HTRA3: variants seen among roughly 807,000 people sequenced by gnomAD.
The protein encoded by HTRA3 is serine protease HTRA3.
Under a neutral mutation model 43.2 loss-of-function variants are expected in HTRA3, and 41 were observed. The ratio of observed to expected loss-of-function variants is 0.95; its 90% CI spans 0.74 to 1.23. The LOEUF (loss-of-function observed/expected upper bound fraction) is 1.23, where lower values mean the gene tolerates loss of function less well. HTRA3 is among the 50% of genes most tolerant of loss of function. The pLI is 0.00. For synonymous variants in HTRA3, 295 were observed against 287.9 expected, an observed-to-expected ratio of 1.02 and a Z score of -0.25; for missense variants, 628 against 647.1, an observed-to-expected ratio of 0.97 and a Z score of 0.32.
rs1713686499 is a variant in HTRA3, at chr4:8,302,461, A to T, written c.1052-2A>T. ...CGGAGTCTCGCCGTGTTTCATTTCC[A>T]GACTGGAAGAAGCGCTTCATCGGCA... On this transcript the variant is annotated splice_acceptor_variant, in intron 6 of 8. Transcript: ENST00000307358. LOFTEE classifies it high-confidence loss of function. 6.2e-7 allele frequency: 1 copy of T among 1,613,984 alleles called. No individual in the cohort carries two copies. The highest frequency in any genetic ancestry group is 1.3e-5 in the African/African-American group (1 of 74,980).
chr4:8,292,301 G>A lies in HTRA3; in HGVS notation c.904-20G>A. ...TCAGGCGGGGTCAGGCACAGCTAAT[G>A]CTGTTTCCTCCCCTTGCAGTACGGG... On this transcript the variant is annotated intron_variant, in intron 4 of 8. Coordinates refer to ENST00000307358, the MANE Select transcript of HTRA3 (RefSeq NM_053044.5). The A allele has an allele frequency of 6.2e-7, 1 of 1,612,082 alleles. No individual in the cohort carries two copies. The highest frequency in any genetic ancestry group is 1.1e-5 in the South Asian group (1 of 90,762).
chr4:8,282,863 C>T (rs1322899869), intron 2 of HTRA3, among the ~76,000 whole-genome samples: 2 of 152,240 alleles, frequency 1.3e-5, no homozygotes, highest in African/African-American at 4.8e-5. Context: ...AAAGCAGACA[C>T]AGACAGAACC....
At chr4:8,273,354 T>C (rs1712376480) in intron 1 of HTRA3, among the ~76,000 whole-genome samples, 1 of 152,084 alleles carries the variant, frequency 6.6e-6, no homozygotes, top group Non-Finnish European at 1.5e-5. Flanking sequence ...TCACACTTAG[T>C]GGTGTGCCAG....
In HTRA3 at chr4:8,295,745, CTCCTCCATGACCCCGT is replaced by C. The variant is rs1713430764; in HGVS notation, c.1051+1545_1051+1560del. On this transcript the variant is annotated intron_variant, in intron 6 of 8. Transcript: ENST00000307358. This position sits in a 1 kb window ranked among gnomAD's most constrained non-coding sequence, Gnocchi z 6.9. ...GCAGGGGGCTTCCTCACGTTTCCCC[CTCCTCCATGACCCCGT>C]CAGCCAAGCACATGGACCCCAGTGC... is the stretch of plus-strand genomic sequence containing the variant. 1 of 1,329,702 alleles carries C rather than the reference CTCCTCCATGACCCCGT, an allele frequency of 7.5e-7. No individual in the cohort carries two copies. The highest frequency in any genetic ancestry group is 9.6e-7 in the Non-Finnish European group (1 of 1,037,460). 82.4% of individuals were successfully genotyped at this position (1,329,702 alleles called of 1,614,324 possible). A position where few individuals can be genotyped will look rare whatever the true frequency, so the allele number is the denominator to read the frequency against.
At chr4:8,294,906 AACC>A (rs1713402610) in intron 6 of HTRA3, among the ~76,000 whole-genome samples, 1 of 144,768 alleles carries the variant, frequency 6.9e-6, no homozygotes, top group Non-Finnish European at 1.5e-5. Flanking sequence ...TTATCCTTCC[AACC>A]ACCAATTCTT....
intron 1 of HTRA3, among the ~76,000 whole-genome samples, chr4:8,271,431 C>G (rs574002322): frequency 1.3e-5 from 2 of 152,158 alleles, no homozygotes; most frequent in Admixed American, 1.3e-4. Context: ...TGGCAGAACA[C>G]GTGACCTCCT....
Position 8,270,914 on chromosome 4 carries a change from C to T in HTRA3, c.385+561C>T, listed in dbSNP as rs186098415. ...CTAGAACAGCCTCCCTTGAGGCAGT[C>T]GGCTCTAGGTTGCATCTCACCGTGC... On this transcript the variant is annotated intron_variant, in intron 1 of 8. Coordinates refer to ENST00000307358, the MANE Select transcript of HTRA3 (RefSeq NM_053044.5). Among the ~76,000 whole-genome samples, 236 of 152,288 alleles carry T rather than the reference C, an allele frequency of 1.5e-3. 1 individual carries two copies. Among genetic ancestry groups the T allele is most frequent in the African/African-American group, 5.2e-3 (217 of 41,558 alleles).
At chr4:8,292,419 C>T (rs1169167982) in intron 5 of HTRA3, 66 bp downstream of exon 5, 4 of 1,361,954 alleles carry the variant, frequency 2.9e-6, no homozygotes, top group Admixed American at 1.7e-5. Context: ...GGGTGCTCAG[C>T]CTTGAGGTGG....
rs7684385 is a variant in HTRA3, at chr4:8,286,943, T to C, written c.708+160T>C. On this transcript the variant is annotated intron_variant, in intron 3 of 8. Coordinates refer to ENST00000307358, the MANE Select transcript of HTRA3 (RefSeq NM_053044.5). The surrounding 1 kb of genome is among the most constrained non-coding windows in gnomAD (Gnocchi z 4.9). ...TGGCAGCTGGCCCAGGGTCACGGCT[T>C]GGAAAAGACCTAGAACCCAGGTCTT... 0.67 allele frequency among the ~76,000 whole-genome samples: 101,130 copies of C among 151,952 alleles called. 35,227 individuals are homozygous for C. Among genetic ancestry groups the C allele is most frequent in the African/African-American group, 0.87 (36,213 of 41,466 alleles).
At chr4:8,273,341 C>T (rs1435713169) in intron 1 of HTRA3, among the ~76,000 whole-genome samples, 2 of 152,160 alleles carry the variant, frequency 1.3e-5, no homozygotes, top group Non-Finnish European at 1.5e-5. Context: ...TGCTGGGTGC[C>T]GGTCACACTT....
At position 8,295,825 on chromosome 4, in the gene HTRA3, G is replaced by C; in HGVS notation, c.1051+1624G>C. On this transcript the variant is annotated intron_variant, in intron 6 of 8. Coordinates refer to ENST00000307358, the MANE Select transcript of HTRA3 (RefSeq NM_053044.5). The surrounding 1 kb of genome is among the most constrained non-coding windows in gnomAD (Gnocchi z 6.9). ...GCCATGAGGGCTGGTCACATGAAGA[G>C]CTGCTGTTGAGGATGCCGCCATTGT... 2.4e-6 allele frequency: 3 copies of C among 1,241,852 alleles called. No homozygotes were observed. Among genetic ancestry groups the C allele is most frequent in the East Asian group, 3.1e-5 (1 of 31,792 alleles). 76.9% of individuals were successfully genotyped at this position (1,241,852 alleles called of 1,614,324 possible). A position where few individuals can be genotyped will look rare whatever the true frequency, so the allele number is the denominator to read the frequency against.
chr4:8,305,230 T>C (rs1342440902), intron 8 of HTRA3, among the ~76,000 whole-genome samples: 1 of 152,214 alleles, frequency 6.6e-6, no homozygotes, highest in Non-Finnish European at 1.5e-5. Flanking sequence ...AGGCTGGGCT[T>C]GAAGGTGGGA....
intron 6 of HTRA3, among the ~76,000 whole-genome samples, chr4:8,294,956 C>T (rs1263839977): frequency 6.6e-6 from 1 of 151,272 alleles, no homozygotes; most frequent in African/African-American, 2.4e-5. Flanking sequence ...TCCATCCGTC[C>T]ATCCATCATC....
intron 3 of HTRA3, among the ~76,000 whole-genome samples, chr4:8,290,411 G>A (rs993154538): frequency 6.6e-6 from 1 of 152,246 alleles, no homozygotes; most frequent in Non-Finnish European, 1.5e-5. Context: ...GAGGCATGGG[G>A]TCCTGCCCCA....
chr4:8,301,916 A>G (rs1385459326), intron 6 of HTRA3, among the ~76,000 whole-genome samples: 4 of 152,206 alleles, frequency 2.6e-5, no homozygotes, highest in African/African-American at 9.6e-5. Context: ...TTATTTCTGG[A>G]TCTGAGACAC....
chr4:8,305,811 T>C (rs78245084), intron 8 of HTRA3, among the ~76,000 whole-genome samples, 160 bp from the exon 9 acceptor site: 2,021 of 152,080 alleles, frequency 0.013, 36 homozygotes, highest in African/African-American at 0.047. Flanking sequence ...GGTTTTCTTC[T>C]GGTGTGAGAG....
rs145340059 is a variant in HTRA3 at position 8,296,067 on chromosome 4, T to C, written c.1051+1866T>C. The stretch of plus-strand genomic sequence containing the variant: ...AATGACCGAGTCTTTCCTGTTGAAT[T>C]ATCCCATTCTCCATGGGTGCCTTTG... On this transcript the variant is annotated intron_variant, in intron 6 of 8. Coordinates refer to ENST00000307358, the MANE Select transcript of HTRA3 (RefSeq NM_053044.5). This position sits in a 1 kb window ranked among gnomAD's most constrained non-coding sequence, Gnocchi z 5.3. 46 of 1,071,538 alleles carry C rather than the reference T, an allele frequency of 4.3e-5. No homozygotes were observed. The African/African-American group carries it at 7.1e-4, about 17-fold the overall frequency. 66.4% of individuals were successfully genotyped at this position (1,071,538 alleles called of 1,614,324 possible).
In HTRA3 at chr4:8,294,092, C is replaced by A; in HGVS notation, c.942C>A (p.Gly314=). ...NSGGPLVNLD[G]EVIGINTLKV... ...GCTCTTACCTCCCTGCCCAGGATGG[C>A]GAGGTCATTGGCATCAACACGCTCA... The change falls in exon 6 of 9, where the codon GGC becomes GGA. Residue 314 remains glycine, a synonymous_variant. Transcript: ENST00000307358. 1 of 1,607,028 alleles carries A rather than the reference C, an allele frequency of 6.2e-7. No homozygotes were observed. Among genetic ancestry groups the A allele is most frequent in the Non-Finnish European group, 8.5e-7 (1 of 1,176,382 alleles).
rs1378827534 is a variant in HTRA3 at position 8,270,247 on chromosome 4, C to T, written c.279C>T (p.Asp93=). The T allele has an allele frequency of 2.0e-6, 3 of 1,527,092 alleles. No homozygotes were observed. The highest frequency in any genetic ancestry group is 2.6e-6 in the Non-Finnish European group (3 of 1,147,276). The allele number at this position is 1,527,092 out of a possible 1,614,324, so 94.6% of individuals were successfully genotyped here. The part of the protein sequence containing the change: ...CRWSHAVCGT[D]GHTYANVCAL... Reference sequence around the variant, plus strand: ...GGTCGCACGCCGTGTGTGGCACCGACGGGCACACCTATGCCAACGTGTGCG... The same window carrying T: ...GGTCGCACGCCGTGTGTGGCACCGATGGGCACACCTATGCCAACGTGTGCG... The change falls in exon 1 of 9, where the codon GAC becomes GAT. Residue 93 remains aspartate, a synonymous_variant. Coordinates refer to ENST00000307358, the MANE Select transcript of HTRA3 (RefSeq NM_053044.5).
Sources: gnomAD v4.1 joint callset for allele counts (sites outside exome capture counted in the v4.1 genomes callset) on GRCh38, gnomAD v4.1.1 for gene constraint, Gnocchi (gnomAD v3.1) non-coding constraint, MANE v1.5 for transcripts, NCBI Gene and HGNC (gene_info 2026-07-23, HGNC 2026-07-21) for gene names.